Variants in LY75 observed in about 807,000 individuals in gnomAD.
LY75 encodes C-type lectin domain family 13 member B.
Under a neutral mutation model 231.7 loss-of-function variants are expected in LY75, and 185 were observed. The ratio of observed to expected loss-of-function variants is 0.80; its 90% CI spans 0.71 to 0.90. The LOEUF (loss-of-function observed/expected upper bound fraction) is 0.90. Among genes scored for constraint, LY75 ranks in the 40% least tolerant of loss-of-function variants. LY75 has a pLI of 0.00. For missense variants in LY75, 1,947 were observed against 2,050.2 expected (o/e 0.95, Z 0.97); for synonymous variants, 668 against 689.0 (o/e 0.97, Z 0.48).
At chr2:159,850,214 A>G in intron 22 of LY75, 74 bp from the exon 23 acceptor site, 1 of 1,516,984 alleles carries the variant, frequency 6.6e-7, no homozygotes, top group African/African-American at 1.4e-5. Context: ...CAATGAATAT[A>G]TTTTGTTTAT....
intron 28 of LY75, among the ~76,000 whole-genome samples, chr2:159,824,914 A>G (rs1380758135): frequency 6.6e-6 from 1 of 152,252 alleles, no homozygotes; most frequent in African/African-American, 2.4e-5. Flanking sequence ...ACCAATGAGA[A>G]CAAAGACACA....
In LY75 at chr2:159,810,563, G is replaced by A; in HGVS notation, c.4662C>T (p.His1554=). 6.2e-7 allele frequency: 1 copy of A among 1,613,986 alleles called. No homozygotes were observed. The highest frequency in any genetic ancestry group is 8.5e-7 in the Non-Finnish European group (1 of 1,179,974). ...ACAATTTTTTGGCCTCTGAAAAACT[G>A]TGCAATGCCTGATCAGACTTGTAAC... ...GHCYKSDQAL[H]SFSEAKKLCS... The change falls in exon 32 of 35, where the codon CAC becomes CAT. Residue 1554 remains histidine (H), a synonymous_variant. Coordinates refer to ENST00000263636, the MANE Select transcript of LY75 (RefSeq NM_002349.4).
chr2:159,807,675 T>G (rs753697453), intron 33 of LY75: 10 of 984,450 alleles, frequency 1.0e-5, no homozygotes, highest in Non-Finnish European at 1.2e-5. Context: ...TAGGATTCAT[T>G]TAGATGGACA....
intron 23 of LY75, among the ~76,000 whole-genome samples, chr2:159,847,358 G>A (rs1253466463): frequency 6.6e-6 from 1 of 151,954 alleles, no homozygotes; most frequent in Non-Finnish European, 1.5e-5. Flanking sequence ...TAGAGACAGG[G>A]TCTTGCTCTG....
At chr2:159,889,385 G>A (rs1685685376) in intron 4 of LY75, among the ~76,000 whole-genome samples, 1 of 151,886 alleles carries the variant, frequency 6.6e-6, no homozygotes, top group South Asian at 2.1e-4. Context: ...CATGCCAACA[G>A]CCAATTAAAA....
intron 2 of LY75, 44 bp downstream of exon 2, chr2:159,898,644 C>T: frequency 6.4e-7 from 1 of 1,571,634 alleles, no homozygotes; most frequent in Non-Finnish European, 8.7e-7. Flanking sequence ...CCACATGTGA[C>T]AAGCACAACA....
chr2:159,889,835 T>C (rs1001663827), intron 4 of LY75, among the ~76,000 whole-genome samples: 3 of 152,204 alleles, frequency 2.0e-5, no homozygotes, highest in African/African-American at 7.2e-5. Flanking sequence ...TAAGGATGTT[T>C]ACTGAGGCCA....
intron 30 of LY75, 48 bp downstream of exon 30, chr2:159,816,758 T>A (rs1683129431): frequency 6.2e-7 from 1 of 1,602,376 alleles, no homozygotes; most frequent in Middle Eastern, 1.7e-4. Context: ...TTTCTAACCC[T>A]CAAAATAACA....
chr2:159,846,875 G>A (rs75258560), intron 23 of LY75, among the ~76,000 whole-genome samples: 7,187 of 152,144 alleles, frequency 0.047, 518 homozygotes, highest in African/African-American at 0.16. Flanking sequence ...AACTACGAAT[G>A]ATTATTTAAC....
chr2:159,846,753 A>G (rs1205660730), intron 23 of LY75, among the ~76,000 whole-genome samples: 2 of 152,208 alleles, frequency 1.3e-5, no homozygotes, highest in African/African-American at 4.8e-5. Flanking sequence ...CAATAAACAC[A>G]AGAAATACAG....
Position 159,898,964 on chromosome 2 carries a change from C to A in LY75, c.190G>T (p.Asp64Tyr). The A allele has an allele frequency of 1.2e-6, 2 of 1,614,230 alleles. No individual in the cohort carries two copies. Among genetic ancestry groups the A allele is most frequent in the South Asian group, 1.1e-5 (1 of 91,082 alleles). ...IVADDCDETE[D>Y]KLWKWVSQHR... ...TGGGACACCCACTTCCATAACTTGT[C>A]CTCAGTTTCATCACAGTCGTCTGCT... The change falls in exon 2 of 35, where the codon GAC becomes TAC. Residue 64 changes from aspartate to tyrosine, a missense_variant. Coordinates refer to ENST00000263636, the MANE Select transcript of LY75 (RefSeq NM_002349.4).
intron 23 of LY75, among the ~76,000 whole-genome samples, chr2:159,847,616 T>C (rs1006270392): frequency 6.6e-6 from 1 of 152,152 alleles, no homozygotes; most frequent in African/African-American, 2.4e-5. Flanking sequence ...TCATAGCTAT[T>C]GGGCAAATTA....
intron 34 of LY75, among the ~76,000 whole-genome samples, chr2:159,806,137 T>C (rs980466587): frequency 1.3e-5 from 2 of 152,218 alleles, no homozygotes; most frequent in African/African-American, 2.4e-5. Context: ...TGAGTCTCCA[T>C]CACATAGAGT....
rs375507601 is a variant in LY75, at chr2:159,876,475, A to C, written c.1775-832T>G. On this transcript the variant is annotated intron_variant, in intron 11 of 34. Coordinates refer to ENST00000263636, the MANE Select transcript of LY75 (RefSeq NM_002349.4). ...CAAGAGGAATAAGAAACTGGGAAAA[A>C]TAATTGCCTTGCTACCCTGAATGGG... 1.4e-4 allele frequency among the ~76,000 whole-genome samples: 21 copies of C among 152,188 alleles called. No homozygotes were observed. The East Asian group carries it at 1.9e-3, about 14-fold the overall frequency.
At chr2:159,897,881 G>C (rs1039355872) in intron 2 of LY75, among the ~76,000 whole-genome samples, 1 of 152,104 alleles carries the variant, frequency 6.6e-6, no homozygotes, top group East Asian at 1.9e-4. Flanking sequence ...CCAGTCCCTA[G>C]ACTCAGGGCT....
chr2:159,874,477 ATATAAATATGTACATATTTTGTAAATC>A (rs1296389396), intron 12 of LY75, among the ~76,000 whole-genome samples: 13 of 108,030 alleles, frequency 1.2e-4, no homozygotes, highest in East Asian at 2.5e-4. Flanking sequence ...TTGTAAATCT[ATATAAATATGTACATATTTTGTAAATC>A]TATATAAATA....
intron 12 of LY75, among the ~76,000 whole-genome samples, chr2:159,874,135 C>CGTATATATATTTTGTAAATATATATAAA (rs1491462859): frequency 0.82 from 75,106 of 91,962 alleles, 33,264 homozygotes; most frequent in Middle Eastern, 0.91. Flanking sequence ...AATATATAAA[C>CGTATATATATTTTGTAAATATATATAAA]GTATATATAT....
chr2:159,844,399 T>C (rs1684136153), intron 23 of LY75, among the ~76,000 whole-genome samples: 1 of 151,554 alleles, frequency 6.6e-6, no homozygotes, highest in South Asian at 2.1e-4. Flanking sequence ...CCAGTACTTA[T>C]TCCTGATTAA....
intron 31 of LY75, among the ~76,000 whole-genome samples, chr2:159,812,768 C>G (rs1683000501): frequency 6.6e-6 from 1 of 152,142 alleles, no homozygotes; most frequent in Non-Finnish European, 1.5e-5. Flanking sequence ...CTCTGTTGTA[C>G]AACTATCACC....
Sources: gnomAD v4.1 joint callset for allele counts (sites outside exome capture counted in the v4.1 genomes callset) on GRCh38, gnomAD v4.1.1 for gene constraint, MANE v1.5 for transcripts, NCBI Gene and HGNC (gene_info 2026-07-23, HGNC 2026-07-21) for gene names.